Variants in CTSC observed in about 807,000 individuals in gnomAD.
The protein encoded by CTSC is dipeptidyl peptidase 1.
CTSC carries 37 observed loss-of-function variants against 40.9 expected under a neutral mutation model. The observed-to-expected ratio is 0.91, with a 90% CI of 0.70 to 1.19. The LOEUF is 1.19. Ranked by LOEUF, CTSC falls within the 50% of genes most tolerant of loss-of-function variation. CTSC has a pLI of 0.00. For synonymous variants in CTSC, 232 were observed against 207.4 expected (o/e 1.12, Z -1.02); for missense variants, 594 against 567.3 (o/e 1.05, Z -0.48).
At chr11:88,335,231 C>T in intron 1 of CTSC, 149 bp from the exon 2 acceptor site, 1 of 658,146 alleles carries the variant, frequency 1.5e-6, no homozygotes, top group Non-Finnish European at 2.7e-6. Flanking sequence ...ACCAGAGGCT[C>T]CATCTTGTTG....
At chr11:88,322,316 T>G (rs1395063000) in intron 2 of CTSC, 1 of 152,212 alleles carries the variant, frequency 6.6e-6, no homozygotes, top group African/African-American at 2.4e-5. Context: ...ATAAAATCTT[T>G]GCCCATTCCT....
chr11:88,331,805 G>A (rs1047246856), intron 2 of CTSC, among the ~76,000 whole-genome samples: 11 of 152,126 alleles, frequency 7.2e-5, no homozygotes, highest in African/African-American at 2.4e-4. Flanking sequence ...TGGTATGAGG[G>A]TCTTAGAAAC....
At chr11:88,313,566 C>A (rs776727674) in intron 2 of CTSC, among the ~76,000 whole-genome samples, 5 of 151,874 alleles carry the variant, frequency 3.3e-5, no homozygotes, top group African/African-American at 7.3e-5. Flanking sequence ...GGCTCCAGAG[C>A]CTAGTCACCC....
At chr11:88,296,626 T>C (rs1400956714) in intron 5 of CTSC, 5 of 343,862 alleles carry the variant, frequency 1.5e-5, no homozygotes, top group Non-Finnish European at 1.7e-5. Flanking sequence ...GAGGAATACA[T>C]GTGAGCTGTG....
Position 88,294,361 on chromosome 11 carries a change from T to C in CTSC, c.1037A>G (p.His346Arg), listed in dbSNP as rs1944275798. Residue 346 changes from histidine to arginine, a missense_variant, in exon 7 of 7, where the codon CAC (histidine) becomes CGC (arginine). His to Arg is a conservative substitution (Grantham distance 29). Coordinates refer to ENST00000227266, the MANE Select transcript of CTSC (RefSeq NM_001814.6). ...DCFRYYSSEY[H>R]YVGGFYGGCN... is the part of the protein sequence containing the mutation. ...GCCTCCATAGAAACCTCCTACATAG[T>C]GGTACTCAGAGGAGTAATAACGAAA... The C allele has an allele frequency of 3.1e-6, 5 of 1,614,106 alleles. No homozygotes were observed. Among genetic ancestry groups the C allele is most frequent in the Non-Finnish European group, 4.2e-6 (5 of 1,180,002 alleles).
At chr11:88,324,602 A>G (rs980373699) in intron 2 of CTSC, 1 of 984,818 alleles carries the variant, frequency 1.0e-6, no homozygotes, top group Non-Finnish European at 1.2e-6. Context: ...TTCTATGTGC[A>G]TTAGGTGTTG....
chr11:88,303,900 G>A (rs1479635674), intron 4 of CTSC, among the ~76,000 whole-genome samples: 1 of 152,028 alleles, frequency 6.6e-6, no homozygotes, highest in Non-Finnish European at 1.5e-5. Flanking sequence ...GGTGAGAGGA[G>A]GGCGGAAGAA....
At chr11:88,327,498 A>C (rs1040015407) in intron 2 of CTSC, among the ~76,000 whole-genome samples, 1 of 152,230 alleles carries the variant, frequency 6.6e-6, no homozygotes, top group African/African-American at 2.4e-5. Context: ...TTATGGATCC[A>C]GTGTGAGCAA....
intron 6 of CTSC, among the ~76,000 whole-genome samples, chr11:88,295,396 C>T (rs565915001): frequency 3.4e-4 from 51 of 149,594 alleles, no homozygotes; most frequent in African/African-American, 1.2e-3. Flanking sequence ...TTTTTTTTTT[C>T]ATAACAGGGC....
In CTSC at chr11:88,326,726, C is replaced by T. The variant is rs111987457; in HGVS notation, c.318+8211G>A. On this transcript the variant is annotated intron_variant, in intron 2 of 6. Transcript: ENST00000227266. Reference sequence around the variant, plus strand: ...AAAACGAATATGTTTCTGAAACATACTTAAGAAACAGGCTAAATATAGTAA... The same window carrying T: ...AAAACGAATATGTTTCTGAAACATATTTAAGAAACAGGCTAAATATAGTAA... Among the ~76,000 whole-genome samples, 1,139 of 152,258 alleles carry T rather than the reference C, an allele frequency of 7.5e-3. 14 individuals carry two copies. The highest frequency in any genetic ancestry group is 0.026 in the African/African-American group (1,078 of 41,544).
chr11:88,318,869 T>C (rs773888205), intron 2 of CTSC, among the ~76,000 whole-genome samples: 7 of 151,904 alleles, frequency 4.6e-5, no homozygotes, highest in Non-Finnish European at 7.4e-5. Context: ...CCATGTGCCA[T>C]TGCACCCCAG....
chr11:88,334,269 T>C (rs1003674930), intron 2 of CTSC, among the ~76,000 whole-genome samples: 1 of 152,196 alleles, frequency 6.6e-6, no homozygotes, highest in South Asian at 2.1e-4. Context: ...ACAAATGAAA[T>C]GGGCTGCAAT....
At position 88,325,679 on chromosome 11, in the gene CTSC, G is replaced by A. The variant is rs1555031283; in HGVS notation, c.318+9258C>T. On this transcript the variant is annotated intron_variant, in intron 2 of 6. Coordinates refer to ENST00000227266, the MANE Select transcript of CTSC (RefSeq NM_001814.6). Reference sequence around the variant, plus strand: ...TAGTATGTCAACTTCTTAGCACAAAGCTTGTACCTAATGAAAAAAGAAAAG... The same window carrying A: ...TAGTATGTCAACTTCTTAGCACAAAACTTGTACCTAATGAAAAAAGAAAAG... The A allele has an allele frequency of 2.1e-5, 21 of 985,036 alleles. No individual in the cohort carries two copies. The South Asian group carries it at 8.5e-4, about 40-fold the overall frequency. The allele number at this position is 985,036 out of a possible 1,614,324, so 61.0% of individuals were successfully genotyped here.
intron 4 of CTSC, among the ~76,000 whole-genome samples, chr11:88,302,917 TAAAAC>T: frequency 6.6e-6 from 1 of 152,262 alleles, no homozygotes; most frequent in East Asian, 1.9e-4. Flanking sequence ...AGTAATGCTA[TAAAAC>T]ACACAATTTG....
At chr11:88,336,048 T>C (rs1302920138) in intron 1 of CTSC, among the ~76,000 whole-genome samples, 3 of 152,108 alleles carry the variant, frequency 2.0e-5, no homozygotes, top group African/African-American at 7.2e-5. Flanking sequence ...TGCCTTTAAT[T>C]ACTGAATTAA....
intron 6 of CTSC, among the ~76,000 whole-genome samples, chr11:88,295,162 C>G (rs1342864153): frequency 5.9e-5 from 9 of 152,134 alleles, no homozygotes; most frequent in Non-Finnish European, 1.0e-4. Flanking sequence ...GCCCCTATAG[C>G]CTACAAGTCA....
intron 2 of CTSC, among the ~76,000 whole-genome samples, chr11:88,320,622 T>G (rs2134797775): frequency 6.6e-6 from 1 of 152,340 alleles, no homozygotes; most frequent in South Asian, 2.1e-4. Context: ...TTTTTAACTC[T>G]GAGCCCTATC....
At chr11:88,317,822 G>C (rs890522985) in intron 2 of CTSC, among the ~76,000 whole-genome samples, 1 of 152,116 alleles carries the variant, frequency 6.6e-6, no homozygotes, top group Non-Finnish European at 1.5e-5. Flanking sequence ...ATTCATTTAT[G>C]CTAATTTCTA....
intron 2 of CTSC, chr11:88,327,890 A>G (rs1938234298): frequency 3.6e-6 from 2 of 554,784 alleles, no homozygotes; most frequent in East Asian, 3.2e-5. Flanking sequence ...CTGATTTGAC[A>G]TGTGAAAACA....
Sources: allele counts gnomAD v4.1 joint callset (sites outside exome capture counted in the v4.1 genomes callset), GRCh38; gene constraint gnomAD v4.1.1; transcripts MANE v1.5; gene names NCBI Gene and HGNC (gene_info 2026-07-23, HGNC 2026-07-21).